Variants in SCN9A observed in about 807,000 individuals in gnomAD.
The protein encoded by SCN9A is sodium voltage-gated channel alpha subunit 9.
Under a neutral mutation model 187.0 loss-of-function variants are expected in SCN9A, and 131 were observed. The observed-to-expected ratio is 0.70, with a 90% CI of 0.61 to 0.81. SCN9A has a LOEUF of 0.81. Among genes scored for constraint, SCN9A ranks in the 30% least tolerant of loss-of-function variants. SCN9A has a pLI of 0.00. For synonymous variants in SCN9A, 809 were observed against 808.6 expected, an observed-to-expected ratio of 1.00 and a Z score of -0.01; for missense variants, 2,252 against 2,396.6, an observed-to-expected ratio of 0.94 and a Z score of 1.26.
intron 17 of SCN9A, among the ~76,000 whole-genome samples, chr2:166,260,510 C>T (rs569130263): frequency 3.9e-5 from 6 of 151,906 alleles, no homozygotes; most frequent in South Asian, 2.1e-4. Flanking sequence ...TGTCCTGTTA[C>T]GGATTGTGCT....
intron 1 of SCN9A, among the ~76,000 whole-genome samples, chr2:166,312,506 G>A (rs1698991618): frequency 6.6e-6 from 1 of 152,038 alleles, no homozygotes; most frequent in African/African-American, 2.4e-5. Flanking sequence ...ATTAATGTTT[G>A]TATATTGCCC....
chr2:166,335,743 G>C (rs1257313298), intron 1 of SCN9A, among the ~76,000 whole-genome samples: 1 of 152,072 alleles, frequency 6.6e-6, no homozygotes, highest in Admixed American at 6.6e-5. Flanking sequence ...CCACTGGAAT[G>C]AGAATTTCAC....
Position 166,198,792 on chromosome 2 carries a change from A to C in SCN9A, c.5847T>G (p.Thr1949=). The change falls in exon 27 of 27, where the codon ACT becomes ACG. Residue 1949 remains threonine (T), a synonymous_variant. Coordinates refer to ENST00000642356, the MANE Select transcript of SCN9A (RefSeq NM_001365536.1). ...ATGAAGGTGGAGAGGTGGTGGATGA[A>C]GTGGCATCTGTTTTTTCTGGACTTG... ...ENSSPEKTDA[T]SSTTSPPSYD... 1.2e-6 allele frequency: 2 copies of C among 1,613,282 alleles called. No homozygotes were observed. The highest frequency in any genetic ancestry group is 1.1e-5 in the South Asian group (1 of 91,022).
Position 166,195,926 on chromosome 2 carries a change from T to A in SCN9A, c.*2746A>T, listed in dbSNP as rs1357608844. ...AGCCAGGCATGGTGGCATGTACCTG[T>A]AGTCTTAGCTACTTGGGAGGCTGAG... is the stretch of plus-strand genomic sequence containing the variant. On this transcript the variant is annotated 3_prime_UTR_variant, in exon 27 of 27. Coordinates refer to ENST00000642356, the MANE Select transcript of SCN9A (RefSeq NM_001365536.1). 3 of 152,234 alleles carry A rather than the reference T, an allele frequency of 2.0e-5. No individual in the cohort carries two copies. Among genetic ancestry groups the A allele is most frequent in the Admixed American group, 1.3e-4 (2 of 15,268 alleles). The allele number at this position is 152,234 out of a possible 1,614,324, so 9.4% of individuals were successfully genotyped here. A position where few individuals can be genotyped will look rare whatever the true frequency, so the allele number is the denominator to read the frequency against.
In SCN9A at chr2:166,280,495, C is replaced by G. The variant is rs373052263; in HGVS notation, c.2205G>C (p.Lys735Asn). The G allele has an allele frequency of 9.6e-5, 152 of 1,587,070 alleles. No homozygotes were observed. Among genetic ancestry groups the G allele is most frequent in the Non-Finnish European group, 1.2e-4 (139 of 1,164,428 alleles). Residue 735 changes from lysine (K) to asparagine (N), a missense_variant, in exon 14 of 27, where the codon AAG becomes AAC. Physicochemically the swap from Lys to Asn is moderately conservative, Grantham distance 94. Transcript: ENST00000642356. ...NCSPYWIKFK[K>N]CIYFIVMDPF... ...GATCCATTACAATAAAATAGATACA[C>G]TTTTTGAATTTTATCCAATATGGAG...
At chr2:166,335,353 G>A (rs530634413) in intron 1 of SCN9A, among the ~76,000 whole-genome samples, 1 of 152,226 alleles carries the variant, frequency 6.6e-6, no homozygotes, top group African/African-American at 2.4e-5. Flanking sequence ...AAATCTAAAC[G>A]TTCTGTTTGC....
At chr2:166,306,628 C>G in intron 3 of SCN9A, 29 bp from the exon 4 acceptor site, 1 of 1,411,872 alleles carries the variant, frequency 7.1e-7, no homozygotes. Flanking sequence ...ACAAAAGAGA[C>G]GACAGTGGGA....
In SCN9A at chr2:166,286,200, C is replaced by A. The variant is rs372322044; in HGVS notation, c.1602+136G>T. 470 of 786,062 alleles carry A rather than the reference C, an allele frequency of 6.0e-4. 5 individuals are homozygous for A. In the South Asian group the frequency reaches 0.011, roughly 19 times the overall value. 48.7% of individuals were successfully genotyped at this position (786,062 alleles called of 1,614,324 possible). ...TGTACATCTTTCCATAAATGCCTAG[C>A]GATACTAGGTTTTTACCTAAAATCA... On this transcript the variant is annotated intron_variant, in intron 11 of 26. Coordinates refer to ENST00000642356, the MANE Select transcript of SCN9A (RefSeq NM_001365536.1).
In SCN9A at chr2:166,289,430, G is replaced by A. The variant is rs535974890; in HGVS notation, c.1108-787C>T. ...CTCTCACTCATGAGTGAGAACATGCGTTGTTTGGTTTTCTGTTCCTGTTTT... is the reference window on the plus strand; with the variant it reads ...CTCTCACTCATGAGTGAGAACATGCATTGTTTGGTTTTCTGTTCCTGTTTT... On this transcript the variant is annotated intron_variant, in intron 9 of 26. Transcript: ENST00000642356. Among the ~76,000 whole-genome samples the A allele has an allele frequency of 1.5e-4, 23 of 151,854 alleles. No homozygotes were observed. In the East Asian group the frequency reaches 3.3e-3, roughly 22 times the overall value.
chr2:166,226,135 A>G (rs1214353943), intron 24 of SCN9A, among the ~76,000 whole-genome samples: 1 of 151,900 alleles, frequency 6.6e-6, no homozygotes, highest in Non-Finnish European at 1.5e-5. Context: ...TATGACATAA[A>G]CTCCTTGAGC....
chr2:166,330,918 C>T (rs1699487466), intron 1 of SCN9A, among the ~76,000 whole-genome samples: 1 of 152,086 alleles, frequency 6.6e-6, no homozygotes, highest in South Asian at 2.1e-4. Context: ...ATGGAAACCC[C>T]TGATCTAACC....
chr2:166,299,245 C>T (rs1698453289), intron 7 of SCN9A, among the ~76,000 whole-genome samples: 1 of 143,822 alleles, frequency 7.0e-6, no homozygotes, highest in African/African-American at 3.0e-5. Context: ...CATTATTCTG[C>T]TTCCCTTTAT....
At chr2:166,223,194 A>G (rs1390685722) in intron 24 of SCN9A, among the ~76,000 whole-genome samples, 1 of 152,182 alleles carries the variant, frequency 6.6e-6, no homozygotes, top group Non-Finnish European at 1.5e-5. Context: ...CATTTGATCT[A>G]GCAATGCCAC....
intron 1 of SCN9A, among the ~76,000 whole-genome samples, chr2:166,347,550 G>A (rs1420667743): frequency 6.6e-6 from 1 of 152,162 alleles, no homozygotes; most frequent in Non-Finnish European, 1.5e-5. Flanking sequence ...TGGACCCCTG[G>A]TTGGGGAGGA....
Position 166,196,854 on chromosome 2 carries a change from T to C in SCN9A, c.*1818A>G, listed in dbSNP as rs1028611299. On this transcript the variant is annotated 3_prime_UTR_variant, in exon 27 of 27. Transcript: ENST00000642356. ...GGTATAAAGAATCTTTAGCCCTAGA[T>C]TGAGTTTTATACGTAGATTAGGACA... 2 of 152,088 alleles carry C rather than the reference T, an allele frequency of 1.3e-5. No homozygotes were observed. Among genetic ancestry groups the C allele is most frequent in the Non-Finnish European group, 2.9e-5 (2 of 67,964 alleles). The allele number at this position is 152,088 out of a possible 1,614,324, so 9.4% of individuals were successfully genotyped here.
intron 19 of SCN9A, 47 bp from the exon 20 acceptor site, chr2:166,238,314 A>G (rs200476656): frequency 4.8e-6 from 6 of 1,238,518 alleles, no homozygotes; most frequent in Non-Finnish European, 5.6e-6. Flanking sequence ...CTTAAGCTTC[A>G]TGATTCATTT....
intron 1 of SCN9A, among the ~76,000 whole-genome samples, chr2:166,328,612 A>T (rs1699423796): frequency 6.6e-6 from 1 of 152,198 alleles, no homozygotes; most frequent in Non-Finnish European, 1.5e-5. Context: ...TAAAATATAC[A>T]CTAAAGGAAG....
chr2:166,293,161 A>G (rs1698150642), intron 9 of SCN9A, 70 bp downstream of exon 9: 19 of 1,391,912 alleles, frequency 1.4e-5, no homozygotes, highest in Non-Finnish European at 1.9e-5. Flanking sequence ...ACCTCCTAAT[A>G]CAGGCTCTTA....
intron 9 of SCN9A, among the ~76,000 whole-genome samples, chr2:166,292,046 G>A (rs1057359014): frequency 2.6e-5 from 4 of 152,090 alleles, no homozygotes; most frequent in Non-Finnish European, 5.9e-5. Context: ...AAAAGCAATT[G>A]CAACCAAAGC....
Sources: allele counts gnomAD v4.1 joint callset (sites outside exome capture counted in the v4.1 genomes callset), GRCh38; gene constraint gnomAD v4.1.1; transcripts MANE v1.5; gene names NCBI Gene and HGNC (gene_info 2026-07-23, HGNC 2026-07-21).